Variants in CDK6 observed in about 807,000 individuals in gnomAD.
The protein encoded by CDK6 is cyclin-dependent kinase 6.
A neutral mutation model predicts 37.1 loss-of-function variants in CDK6; 6 were observed. The ratio of observed to expected loss-of-function variants is 0.16; its 90% CI spans 0.09 to 0.32. The LOEUF (loss-of-function observed/expected upper bound fraction) is 0.32. CDK6 is among the 10% of genes least tolerant of loss of function. The probability of loss-of-function intolerance (pLI) is 1.00; values close to 1 mark genes in which losing one functional copy is unlikely to be tolerated. For missense variants in CDK6, 224 were observed against 418.9 expected, an observed-to-expected ratio of 0.53 and a Z score of 4.06; for synonymous variants, 160 against 161.3, an observed-to-expected ratio of 0.99 and a Z score of 0.06.
chr7:92,760,010 C>T (rs529711447), intron 3 of CDK6, among the ~76,000 whole-genome samples: 1 of 152,288 alleles, frequency 6.6e-6, no homozygotes, highest in South Asian at 2.1e-4. Flanking sequence ...CACGGACAAT[C>T]TCCCTGTACC....
intron 2 of CDK6, among the ~76,000 whole-genome samples, chr7:92,817,696 G>A (rs902663101): frequency 6.6e-6 from 1 of 151,540 alleles, no homozygotes; most frequent in Non-Finnish European, 1.5e-5. Context: ...ATATATATAG[G>A]GGGGAAAGTA....
intron 4 of CDK6, among the ~76,000 whole-genome samples, chr7:92,694,915 C>A (rs1341632650): frequency 6.6e-6 from 1 of 152,042 alleles, no homozygotes; most frequent in Non-Finnish European, 1.5e-5. Flanking sequence ...TGGTTCGTGT[C>A]TTTAGAAATT....
At chr7:92,637,264 G>C (rs1378721612) in intron 5 of CDK6, among the ~76,000 whole-genome samples, 2 of 152,088 alleles carry the variant, frequency 1.3e-5, no homozygotes, top group Non-Finnish European at 2.9e-5. Context: ...TCAGATTTTG[G>C]AATATTAAGC....
At chr7:92,800,877 C>A (rs1035379580) in intron 2 of CDK6, among the ~76,000 whole-genome samples, 1 of 152,168 alleles carries the variant, frequency 6.6e-6, no homozygotes, top group South Asian at 2.1e-4. Context: ...AACAGAGACA[C>A]CATAGAAGCA....
chr7:92,620,912 G>GA (rs1181522014), intron 6 of CDK6, among the ~76,000 whole-genome samples: 2 of 151,388 alleles, frequency 1.3e-5, no homozygotes, highest in Admixed American at 1.3e-4. Context: ...TGTCTCCAAA[G>GA]AAAAAAATAA....
chr7:92,742,720 A>G (rs1271308057), intron 3 of CDK6, among the ~76,000 whole-genome samples: 1 of 149,294 alleles, frequency 6.7e-6, no homozygotes, highest in African/African-American at 2.5e-5. Context: ...TTTTATATGT[A>G]TAAAATGTAT....
chr7:92,711,979 G>A (rs1004417650), intron 4 of CDK6, among the ~76,000 whole-genome samples: 1 of 151,998 alleles, frequency 6.6e-6, no homozygotes, highest in Non-Finnish European at 1.5e-5. Flanking sequence ...ACGAGGTCAG[G>A]AGATCGAGAC....
intron 2 of CDK6, among the ~76,000 whole-genome samples, chr7:92,811,524 C>T (rs931806794): frequency 6.6e-6 from 1 of 151,528 alleles, no homozygotes; most frequent in Non-Finnish European, 1.5e-5. Context: ...AATTATAGCA[C>T]TTGAAGATGG....
At chr7:92,810,128 T>C (rs1800836748) in intron 2 of CDK6, among the ~76,000 whole-genome samples, 2 of 152,200 alleles carry the variant, frequency 1.3e-5, no homozygotes, top group African/African-American at 4.8e-5. Context: ...AAAATATATA[T>C]GCGTGTGTAT....
At position 92,605,045 on chromosome 7, in the gene CDK6, TTTA is replaced by T. The variant is rs1271274600; in HGVS notation, c.*10092_*10094del. ...CAGAAAGCAGTTTAAAGTTATTGTT[TTTA>T]TTATTTTTATTTGCTACCAATATTT... On this transcript the variant is annotated 3_prime_UTR_variant, in exon 8 of 8. Coordinates refer to ENST00000424848, the MANE Select transcript of CDK6 (RefSeq NM_001145306.2). 1 of 230,872 alleles carries T rather than the reference TTTA, an allele frequency of 4.3e-6. No homozygotes were observed. 14.3% of individuals were successfully genotyped at this position (230,872 alleles called of 1,614,324 possible). A position where few individuals can be genotyped will look rare whatever the true frequency, so the allele number is the denominator to read the frequency against.
chr7:92,772,420 TG>T (rs1262054463), intron 3 of CDK6, among the ~76,000 whole-genome samples: 1 of 151,980 alleles, frequency 6.6e-6, no homozygotes, highest in African/African-American at 2.4e-5. Flanking sequence ...TCTGACAATT[TG>T]GATCAAGGGG....
In CDK6 at chr7:92,607,576, T is replaced by C; in HGVS notation, c.*7564A>G. The stretch of plus-strand genomic sequence containing the variant: ...TCTAATTTTTATTTTCTTAGGTCCA[T>C]CAATACCATGATAATGAACATTAGA... On this transcript the variant is annotated 3_prime_UTR_variant, in exon 8 of 8. Coordinates refer to ENST00000424848, the MANE Select transcript of CDK6 (RefSeq NM_001145306.2). The C allele has an allele frequency of 4.3e-6, 1 of 232,964 alleles. No homozygotes were observed. The highest frequency in any genetic ancestry group is 8.5e-6 in the Non-Finnish European group (1 of 117,904). The allele number at this position is 232,964 out of a possible 1,614,324, so 14.4% of individuals were successfully genotyped here.
At chr7:92,785,068 G>C (rs948537584) in intron 2 of CDK6, among the ~76,000 whole-genome samples, 1 of 152,016 alleles carries the variant, frequency 6.6e-6, no homozygotes, top group Non-Finnish European at 1.5e-5. Flanking sequence ...GAATGATGAC[G>C]CAGTGAAGGT....
intron 4 of CDK6, chr7:92,725,391 A>T: frequency 1.1e-6 from 1 of 891,544 alleles, no homozygotes; most frequent in Non-Finnish European, 1.3e-6. Flanking sequence ...AGTGGCTAAG[A>T]TGCAACAGGC....
intron 1 of CDK6, among the ~76,000 whole-genome samples, chr7:92,836,030 A>AG (rs1801661812): frequency 6.6e-6 from 1 of 152,136 alleles, no homozygotes; most frequent in South Asian, 2.1e-4. Context: ...GGAGTTTTCG[A>AG]GGGGGAAATG....
At chr7:92,743,098 G>C (rs954894363) in intron 3 of CDK6, among the ~76,000 whole-genome samples, 1 of 151,852 alleles carries the variant, frequency 6.6e-6, no homozygotes, top group Non-Finnish European at 1.5e-5. Flanking sequence ...TACATCCTGG[G>C]AGATTTTTGC....
chr7:92,807,806 C>A (rs962722894), intron 2 of CDK6, among the ~76,000 whole-genome samples: 1 of 152,034 alleles, frequency 6.6e-6, no homozygotes, highest in Non-Finnish European at 1.5e-5. Context: ...TATAACCAAG[C>A]GAAAATTTTA....
chr7:92,700,378 C>T (rs1490670213), intron 4 of CDK6, among the ~76,000 whole-genome samples: 1 of 152,164 alleles, frequency 6.6e-6, no homozygotes, highest in Non-Finnish European at 1.5e-5. Flanking sequence ...GATCCAGATG[C>T]TCTGGGAGGA....
At chr7:92,801,494 C>T (rs1364139818) in intron 2 of CDK6, among the ~76,000 whole-genome samples, 1 of 152,114 alleles carries the variant, frequency 6.6e-6, no homozygotes, top group Non-Finnish European at 1.5e-5. Flanking sequence ...AATGAGGAAA[C>T]AGGCAGGGAA....
Sources: gnomAD v4.1 joint callset for allele counts (sites outside exome capture counted in the v4.1 genomes callset) on GRCh38, gnomAD v4.1.1 for gene constraint, MANE v1.5 for transcripts, NCBI Gene and HGNC (gene_info 2026-07-23, HGNC 2026-07-21) for gene names.